The following ACO2 variants were observed in gnomAD, a reference collection of about 807,000 sequenced individuals.
ACO2 encodes the protein aconitate hydratase, mitochondrial.
Under a neutral mutation model 84.5 loss-of-function variants are expected in ACO2, and 31 were observed. That is an observed-to-expected ratio of 0.37 (90% CI 0.28 to 0.50). The LOEUF is 0.50. ACO2 is among the 20% of genes least tolerant of loss of function. The pLI is 0.97. For synonymous variants in ACO2, 414 were observed against 412.7 expected, an observed-to-expected ratio of 1.00 and a Z score of -0.04; for missense variants, 685 against 1,029.3, an observed-to-expected ratio of 0.67 and a Z score of 4.58.
At chr22:41,528,324 T>C in intron 17 of ACO2, 155 bp from the exon 18 acceptor site, 1 of 1,132,098 alleles carries the variant, frequency 8.8e-7, no homozygotes, top group Non-Finnish European at 1.2e-6. Flanking sequence ...GCCACCTGGG[T>C]CTGACCTGGG....
intron 6 of ACO2, among the ~76,000 whole-genome samples, chr22:41,517,055 C>G (rs560002039): frequency 2.2e-4 from 33 of 152,236 alleles, no homozygotes; most frequent in Non-Finnish European, 3.5e-4. Flanking sequence ...GGGCAGGCCA[C>G]CAGGCAGACA....
At chr22:41,528,386 T>C in intron 17 of ACO2, 93 bp from the exon 18 acceptor site, 1 of 1,532,890 alleles carries the variant, frequency 6.5e-7, no homozygotes, top group Admixed American at 1.9e-5. Flanking sequence ...ACCTCTTAGG[T>C]CCCCAGGCAG....
rs781769693 is a variant in ACO2 at position 41,528,057 on chromosome 22, G to A, written c.2208+35G>A. On this transcript the variant is annotated intron_variant, in intron 17 of 17. Coordinates refer to ENST00000216254, the MANE Select transcript of ACO2 (RefSeq NM_001098.3). ...CCGGGTCCCCCTGAGGTGGTGGGGT[G>A]AGGGGCAGCCACCTTGTTTCCCCTC... 9 of 1,613,374 alleles carry A rather than the reference G, an allele frequency of 5.6e-6. No homozygotes were observed. The East Asian group carries it at 2.0e-4, about 36-fold the overall frequency.
At chr22:41,469,366 C>T (rs2037911641) in intron 1 of ACO2, 184 bp downstream of exon 1, 4 of 614,786 alleles carry the variant, frequency 6.5e-6, no homozygotes, top group Non-Finnish European at 1.1e-5. Context: ...GTCCCCGGCA[C>T]AGTCAGCTTT....
chr22:41,485,676 C>T (rs1420505383), intron 1 of ACO2, among the ~76,000 whole-genome samples: 1 of 151,904 alleles, frequency 6.6e-6, no homozygotes, highest in Non-Finnish European at 1.5e-5. Flanking sequence ...ATCTCCTGAC[C>T]TTGTGATCCA....
intron 1 of ACO2, among the ~76,000 whole-genome samples, chr22:41,494,293 G>A (rs561854739): frequency 2.0e-5 from 3 of 152,198 alleles, no homozygotes; most frequent in South Asian, 2.1e-4. Flanking sequence ...CATAGGAGCC[G>A]CTTCACTGGG....
At position 41,521,921 on chromosome 22, in the gene ACO2, G is replaced by A. The variant is rs1165326557; in HGVS notation, c.1139-909G>A. On this transcript the variant is annotated intron_variant, in intron 9 of 17. Transcript: ENST00000216254. ...CGAGTAGCTGGGACTACAGGCGCCC[G>A]CCACCATGCCTGGCTAATTTTTGTA... 3.3e-5 allele frequency among the ~76,000 whole-genome samples: 5 copies of A among 152,036 alleles called. 1 individual carries two copies. Among genetic ancestry groups the A allele is most frequent in the South Asian group, 4.2e-4 (2 of 4,810 alleles).
chr22:41,504,512 GT>G (rs1278936461), intron 2 of ACO2, among the ~76,000 whole-genome samples: 3 of 152,106 alleles, frequency 2.0e-5, no homozygotes, highest in East Asian at 3.9e-4. Context: ...AAGGTCTTGG[GT>G]TTTTAAGCCC....
chr22:41,498,996 G>A (rs1364203029), intron 1 of ACO2, among the ~76,000 whole-genome samples: 1 of 151,916 alleles, frequency 6.6e-6, no homozygotes, highest in Admixed American at 6.6e-5. Context: ...GGGAAGCTGA[G>A]GCAGGAGAAA....
chr22:41,491,914 C>T (rs756459490), intron 1 of ACO2, among the ~76,000 whole-genome samples: 27 of 152,184 alleles, frequency 1.8e-4, no homozygotes, highest in Non-Finnish European at 2.9e-4. Context: ...AACTACCACA[C>T]TGTTCTGGGA....
In ACO2 at chr22:41,526,587, G is replaced by A. The variant is rs139699456; in HGVS notation, c.1953+134G>A. 1,548 of 1,001,008 alleles carry A rather than the reference G, an allele frequency of 1.5e-3. 11 individuals are homozygous for A. The Middle Eastern group carries it at 0.021, about 14-fold the overall frequency. 62.0% of individuals were successfully genotyped at this position (1,001,008 alleles called of 1,614,324 possible). ...AGCCCAAAGGGGACTGCTGTGGAAGGGAGGAGAGGCCTGCAGCCCCTCCCT... is the reference window on the plus strand; with the variant it reads ...AGCCCAAAGGGGACTGCTGTGGAAGAGAGGAGAGGCCTGCAGCCCCTCCCT... On this transcript the variant is annotated intron_variant, in intron 15 of 17. Transcript: ENST00000216254.
chr22:41,516,691 G>C (rs2066478310), intron 6 of ACO2, among the ~76,000 whole-genome samples: 1 of 152,114 alleles, frequency 6.6e-6, no homozygotes, highest in South Asian at 2.1e-4. Flanking sequence ...GACGCTTTGT[G>C]GTCCAGACAG....
At chr22:41,509,814 T>TA (rs1344595941) in intron 3 of ACO2, among the ~76,000 whole-genome samples, 10 of 83,986 alleles carry the variant, frequency 1.2e-4, no homozygotes, top group African/African-American at 4.0e-4. Context: ...AAGAATATGG[T>TA]CTTTTTTTTT....
chr22:41,528,188 T>C, intron 17 of ACO2, 166 bp downstream of exon 17: 1 of 1,136,724 alleles, frequency 8.8e-7, no homozygotes, highest in Non-Finnish European at 1.2e-6. Context: ...CTTCTCAGAG[T>C]TGGGGGTTGG....
intron 12 of ACO2, among the ~76,000 whole-genome samples, chr22:41,524,229 G>T (rs945876962): frequency 6.6e-6 from 1 of 152,210 alleles, no homozygotes; most frequent in African/African-American, 2.4e-5. Context: ...GTATGAGTGT[G>T]GCCAAGTCAC....
At chr22:41,520,573 T>C (rs896582824) in intron 9 of ACO2, among the ~76,000 whole-genome samples, 1 of 151,650 alleles carries the variant, frequency 6.6e-6, no homozygotes, top group African/African-American at 2.4e-5. Context: ...CCAGGGGCAG[T>C]GGCTCACACC....
At chr22:41,523,983 G>A in intron 12 of ACO2, 42 bp downstream of exon 12, 1 of 1,580,584 alleles carries the variant, frequency 6.3e-7, no homozygotes, top group Non-Finnish European at 8.7e-7. Context: ...ATGGCCTCTG[G>A]GGGTCCCTGG....
chr22:41,510,955 G>C (rs1435847226), intron 3 of ACO2, among the ~76,000 whole-genome samples: 1 of 152,142 alleles, frequency 6.6e-6, no homozygotes, highest in African/African-American at 2.4e-5. Flanking sequence ...GCTCTCTCAG[G>C]TGTCGTCTAA....
intron 1 of ACO2, among the ~76,000 whole-genome samples, chr22:41,473,620 G>T (rs997181114): frequency 6.6e-6 from 1 of 152,200 alleles, no homozygotes; most frequent in Non-Finnish European, 1.5e-5. Context: ...GGGAAATTAC[G>T]TAGAAAAATA....
Sources: gnomAD v4.1 joint callset for allele counts (sites outside exome capture counted in the v4.1 genomes callset) on GRCh38, gnomAD v4.1.1 for gene constraint, MANE v1.5 for transcripts, NCBI Gene and HGNC (gene_info 2026-07-23, HGNC 2026-07-21) for gene names.